Variants in BARX2 observed in about 807,000 individuals in gnomAD.
BARX2 encodes homeobox protein BarH-like 2.
BARX2 carries 11 observed loss-of-function variants against 25.5 expected under a neutral mutation model. The ratio of observed to expected loss-of-function variants is 0.43; its 90% CI spans 0.27 to 0.71. The LOEUF (loss-of-function observed/expected upper bound fraction) is 0.71, where lower values mean the gene tolerates loss of function less well. Ranked by LOEUF, BARX2 falls within the 30% of genes least tolerant of loss-of-function variation. BARX2 has a pLI of 0.19. For synonymous variants in BARX2, 137 were observed against 149.5 expected, an observed-to-expected ratio of 0.92 and a Z score of 0.61; for missense variants, 360 against 359.9, an observed-to-expected ratio of 1.00 and a Z score of 0.00.
chr11:129,401,447 T>A (rs1034323192), intron 1 of BARX2, among the ~76,000 whole-genome samples: 2 of 152,344 alleles, frequency 1.3e-5, no homozygotes, highest in East Asian at 1.9e-4. Flanking sequence ...AATTATTTTT[T>A]AAAAATTTTA....
intron 3 of BARX2, among the ~76,000 whole-genome samples, chr11:129,449,605 C>T (rs1337006194): frequency 6.6e-6 from 1 of 152,146 alleles, no homozygotes; most frequent in African/African-American, 2.4e-5. Flanking sequence ...TCCCTGTCTG[C>T]CTCCTGGGAC....
chr11:129,395,149 A>G (rs1861704556), intron 1 of BARX2, among the ~76,000 whole-genome samples: 1 of 152,204 alleles, frequency 6.6e-6, no homozygotes, highest in South Asian at 2.1e-4. Flanking sequence ...TATTTTATAT[A>G]ATTTAAAAAA....
At chr11:129,418,328 C>G (rs1165212392) in intron 1 of BARX2, among the ~76,000 whole-genome samples, 7 of 152,208 alleles carry the variant, frequency 4.6e-5, no homozygotes, top group Non-Finnish European at 1.0e-4. Flanking sequence ...ACGGGTGTGG[C>G]TTGGCTCAGT....
At chr11:129,394,794 T>G (rs569938224) in intron 1 of BARX2, among the ~76,000 whole-genome samples, 54 of 152,330 alleles carry the variant, frequency 3.5e-4, no homozygotes, top group South Asian at 1.0e-3. Flanking sequence ...CTACTCACAT[T>G]TATTTGCGGA....
intron 1 of BARX2, among the ~76,000 whole-genome samples, chr11:129,396,080 G>A (rs868614829): frequency 1.3e-5 from 2 of 152,120 alleles, no homozygotes; most frequent in African/African-American, 2.4e-5. Flanking sequence ...TGTGTGCTCC[G>A]GTAGCACCGG....
chr11:129,427,372 G>A (rs922046497), intron 1 of BARX2, among the ~76,000 whole-genome samples: 2 of 152,090 alleles, frequency 1.3e-5, no homozygotes, highest in African/African-American at 4.8e-5. Flanking sequence ...GGAATACTTC[G>A]GTGTGGGTGA....
intron 1 of BARX2, among the ~76,000 whole-genome samples, chr11:129,396,764 C>T (rs61911190): frequency 0.028 from 4,304 of 152,210 alleles, 98 homozygotes; most frequent in Non-Finnish European, 0.044. Context: ...AGCTACAGGA[C>T]GTGGGATTTG....
At chr11:129,387,398 A>G (rs1222700043) in intron 1 of BARX2, among the ~76,000 whole-genome samples, 3 of 152,224 alleles carry the variant, frequency 2.0e-5, no homozygotes, top group Admixed American at 6.5e-5. Flanking sequence ...GTCTGGAACT[A>G]CTTAGGAAAA....
intron 1 of BARX2, among the ~76,000 whole-genome samples, chr11:129,432,943 G>C (rs12365504): frequency 6.6e-6 from 1 of 152,062 alleles, no homozygotes; most frequent in Non-Finnish European, 1.5e-5. Flanking sequence ...GCGTGCCCCA[G>C]AGTTCAGCCC....
chr11:129,381,827 A>G (rs930168481), intron 1 of BARX2, among the ~76,000 whole-genome samples: 12 of 152,214 alleles, frequency 7.9e-5, no homozygotes, highest in Non-Finnish European at 2.9e-5. Flanking sequence ...GGAAAGTAAG[A>G]GTGGGTTTCT....
At chr11:129,394,684 T>C (rs1302227466) in intron 1 of BARX2, among the ~76,000 whole-genome samples, 2 of 152,132 alleles carry the variant, frequency 1.3e-5, no homozygotes, top group Non-Finnish European at 2.9e-5. Flanking sequence ...TAAATAATTT[T>C]AGTTAGAATG....
At chr11:129,392,323 G>C (rs758414529) in intron 1 of BARX2, among the ~76,000 whole-genome samples, 12 of 152,248 alleles carry the variant, frequency 7.9e-5, no homozygotes, top group Non-Finnish European at 1.8e-4. Flanking sequence ...TTACCAGCCA[G>C]TAGGCTGAAG....
intron 1 of BARX2, among the ~76,000 whole-genome samples, chr11:129,403,220 T>C (rs924424096): frequency 6.6e-6 from 1 of 152,250 alleles, no homozygotes; most frequent in Non-Finnish European, 1.5e-5. Flanking sequence ...AAATTGTTTC[T>C]TCTACTGCAC....
Position 129,399,471 on chromosome 11 carries a change from C to T in BARX2, c.187+23249C>T, listed in dbSNP as rs1189519478. Among the ~76,000 whole-genome samples, 3 of 152,176 alleles carry T rather than the reference C, an allele frequency of 2.0e-5. No individual in the cohort carries two copies. The East Asian group carries it at 5.8e-4, about 29-fold the overall frequency. ...TGAACTCTGTGGCCCAAGCAATCCT[C>T]CTGTCTCAGCCTCTCCAGCAGCTAG... is the stretch of plus-strand genomic sequence containing the variant. On this transcript the variant is annotated intron_variant, in intron 1 of 3. Transcript: ENST00000281437.
At chr11:129,391,613 G>A (rs181615809) in intron 1 of BARX2, among the ~76,000 whole-genome samples, 3 of 152,266 alleles carry the variant, frequency 2.0e-5, no homozygotes, top group East Asian at 1.9e-4. Context: ...CCTGTGACAC[G>A]AGAAAGACCC....
chr11:129,427,733 A>C (rs966066692), intron 1 of BARX2, among the ~76,000 whole-genome samples: 1 of 152,198 alleles, frequency 6.6e-6, no homozygotes, highest in African/African-American at 2.4e-5. Flanking sequence ...CTGAGGTTCA[A>C]GTATGGCTGT....
chr11:129,407,625 A>C (rs1342408983), intron 1 of BARX2, among the ~76,000 whole-genome samples: 1 of 152,218 alleles, frequency 6.6e-6, no homozygotes, highest in African/African-American at 2.4e-5. Flanking sequence ...TGGATAATAC[A>C]GTTCAGTAAA....
chr11:129,394,390 T>C (rs1861696872), intron 1 of BARX2, among the ~76,000 whole-genome samples: 1 of 152,242 alleles, frequency 6.6e-6, no homozygotes, highest in Non-Finnish European at 1.5e-5. Flanking sequence ...GAAATAGTTT[T>C]TCTATGAGAA....
At chr11:129,449,533 A>G (rs1048892086) in intron 3 of BARX2, among the ~76,000 whole-genome samples, 34 of 152,222 alleles carry the variant, frequency 2.2e-4, no homozygotes, top group African/African-American at 8.2e-4. Context: ...AACTATGCCA[A>G]GCCAGTGGAG....
Sources: gnomAD v4.1 joint callset for allele counts (sites outside exome capture counted in the v4.1 genomes callset) on GRCh38, gnomAD v4.1.1 for gene constraint, MANE v1.5 for transcripts, NCBI Gene and HGNC (gene_info 2026-07-23, HGNC 2026-07-21) for gene names.